The following GRIP1 variants were observed in gnomAD, a reference collection of about 807,000 sequenced individuals.
GRIP1 encodes glutamate receptor interacting protein 1, also known as glutamate receptor-interacting protein 1.
In GRIP1, 45 loss-of-function variants were observed where a neutral mutation model predicts 129.9. The observed-to-expected ratio is 0.35, with a 90% CI of 0.27 to 0.44. The LOEUF (loss-of-function observed/expected upper bound fraction) is 0.44. GRIP1 is among the 20% of genes least tolerant of loss of function. GRIP1 has a pLI of 1.00. For synonymous variants in GRIP1, 530 were observed against 520.8 expected (o/e 1.02, Z -0.24); for missense variants, 1,196 against 1,396.8 (o/e 0.86, Z 2.29).
At chr12:67,068,766 C>T (rs185338187) in intron 1 of GRIP1, among the ~76,000 whole-genome samples, 1 of 145,334 alleles carries the variant, frequency 6.9e-6, no homozygotes, top group African/African-American at 2.6e-5. Context: ...GCTGGAGTTT[C>T]CCCTACATCC....
chr12:66,584,718 G>A (rs1253893669), intron 2 of GRIP1, among the ~76,000 whole-genome samples: 2 of 147,872 alleles, frequency 1.4e-5, no homozygotes, highest in African/African-American at 5.4e-5. Flanking sequence ...GGCAGGGTTT[G>A]TAAGAAGGAA....
chr12:66,455,761 G>A (rs2058940835), intron 10 of GRIP1, among the ~76,000 whole-genome samples, 197 bp from the exon 11 acceptor site: 1 of 152,190 alleles, frequency 6.6e-6, no homozygotes, highest in African/African-American at 2.4e-5. Flanking sequence ...AGGGGCAGCA[G>A]GATCTTTATA....
intron 1 of GRIP1, among the ~76,000 whole-genome samples, chr12:67,049,477 C>T (rs1225750633): frequency 2.6e-5 from 4 of 152,078 alleles, no homozygotes; most frequent in African/African-American, 7.2e-5. Flanking sequence ...AACCAAACAC[C>T]GCGTGTTCCC....
At chr12:66,616,840 A>G (rs2065057731) in intron 1 of GRIP1, among the ~76,000 whole-genome samples, 1 of 152,096 alleles carries the variant, frequency 6.6e-6, no homozygotes, top group African/African-American at 2.4e-5. Flanking sequence ...ATTCACAGTG[A>G]CTGTGGCTTA....
intron 7 of GRIP1, among the ~76,000 whole-genome samples, chr12:66,496,945 A>C (rs1356939253): frequency 6.6e-6 from 1 of 152,150 alleles, no homozygotes; most frequent in Non-Finnish European, 1.5e-5. Flanking sequence ...ATGAATAAGA[A>C]TACAAATTGC....
intron 1 of GRIP1, among the ~76,000 whole-genome samples, chr12:66,627,274 T>G (rs1331794763): frequency 6.6e-6 from 1 of 152,198 alleles, no homozygotes; most frequent in Non-Finnish European, 1.5e-5. Flanking sequence ...AACAACCAAG[T>G]CTACCAAATC....
intron 19 of GRIP1, among the ~76,000 whole-genome samples, chr12:66,381,782 G>T (rs1385695512): frequency 5.3e-5 from 8 of 152,180 alleles, no homozygotes; most frequent in African/African-American, 1.9e-4. Context: ...CTCTAATAAG[G>T]ATGCCTTGTC....
intron 14 of GRIP1, among the ~76,000 whole-genome samples, chr12:66,421,807 A>G (rs922573063): frequency 2.0e-5 from 3 of 152,000 alleles, no homozygotes; most frequent in South Asian, 2.1e-4. Context: ...GTTTTTATCA[A>G]TTTTCTCAGG....
intron 17 of GRIP1, among the ~76,000 whole-genome samples, chr12:66,394,006 A>T (rs1334477639): frequency 6.6e-6 from 1 of 152,126 alleles, no homozygotes; most frequent in Non-Finnish European, 1.5e-5. Context: ...TAAGCCCAAG[A>T]CGTCTTTTAC....
intron 7 of GRIP1, among the ~76,000 whole-genome samples, chr12:66,501,490 C>A (rs980961001): frequency 1.3e-5 from 2 of 152,038 alleles, no homozygotes; most frequent in African/African-American, 4.8e-5. Flanking sequence ...AATTAGTATA[C>A]AATCACAGAG....
chr12:66,873,329 G>T (rs2040328402), intron 1 of GRIP1, among the ~76,000 whole-genome samples: 1 of 152,090 alleles, frequency 6.6e-6, no homozygotes, highest in African/African-American at 2.4e-5. Flanking sequence ...CTGTAGAAGA[G>T]CATGTGAGGT....
intron 1 of GRIP1, among the ~76,000 whole-genome samples, chr12:66,783,235 T>C (rs898767762): frequency 6.6e-6 from 1 of 152,184 alleles, no homozygotes; most frequent in Non-Finnish European, 1.5e-5. Flanking sequence ...TGTTTTGCCA[T>C]GTTGGCCAGG....
At chr12:66,470,155 A>G (rs571837830) in intron 7 of GRIP1, among the ~76,000 whole-genome samples, 2 of 152,194 alleles carry the variant, frequency 1.3e-5, no homozygotes, top group South Asian at 4.2e-4. Flanking sequence ...GATCCTTTAA[A>G]TTGAATATCT....
At chr12:66,410,980 T>G (rs539881553) in intron 15 of GRIP1, among the ~76,000 whole-genome samples, 157 of 152,176 alleles carry the variant, frequency 1.0e-3, no homozygotes, top group Non-Finnish European at 1.6e-3. Flanking sequence ...CAGGGTTTTA[T>G]GAATAGAACT....
At chr12:66,419,247 T>C (rs2057717459) in intron 15 of GRIP1, among the ~76,000 whole-genome samples, 1 of 151,562 alleles carries the variant, frequency 6.6e-6, no homozygotes, top group Non-Finnish European at 1.5e-5. Context: ...AAAATCAAAA[T>C]AACTGAACTC....
intron 8 of GRIP1, among the ~76,000 whole-genome samples, chr12:66,463,642 AT>A (rs898785728): frequency 2.6e-5 from 4 of 152,168 alleles, no homozygotes; most frequent in Non-Finnish European, 5.9e-5. Flanking sequence ...GGAGTTGAAC[AT>A]GTATTAGTAT....
intron 1 of GRIP1, among the ~76,000 whole-genome samples, chr12:67,060,605 G>A (rs2043515458): frequency 6.6e-6 from 1 of 152,072 alleles, no homozygotes; most frequent in Admixed American, 6.5e-5. Flanking sequence ...CAGATCACCT[G>A]AGGTCAGGAG....
At chr12:66,776,562 C>A (rs2037985976) in intron 1 of GRIP1, among the ~76,000 whole-genome samples, 1 of 152,170 alleles carries the variant, frequency 6.6e-6, no homozygotes, top group Admixed American at 6.5e-5. Flanking sequence ...GAGGTTAGCC[C>A]TGCTCTCAAG....
At chr12:66,507,099 C>T (rs1243632114) in intron 7 of GRIP1, among the ~76,000 whole-genome samples, 3 of 152,112 alleles carry the variant, frequency 2.0e-5, no homozygotes, top group Non-Finnish European at 4.4e-5. Flanking sequence ...ACTTTAGCAG[C>T]CCTTGGAAAA....
Sources: allele counts gnomAD v4.1 joint callset (sites outside exome capture counted in the v4.1 genomes callset), GRCh38; gene constraint gnomAD v4.1.1; transcripts MANE v1.5; gene names NCBI Gene and HGNC (gene_info 2026-07-23, HGNC 2026-07-21).